Variants in HSPG2 observed in about 807,000 individuals in gnomAD.
The protein encoded by HSPG2 is basement membrane-specific heparan sulfate proteoglycan core protein.
Under a neutral mutation model 526.6 loss-of-function variants are expected in HSPG2, and 278 were observed. The ratio of observed to expected loss-of-function variants is 0.53; its 90% CI spans 0.48 to 0.58. The LOEUF is 0.58. Among genes scored for constraint, HSPG2 ranks in the 20% least tolerant of loss-of-function variants. The pLI, the probability that HSPG2 is intolerant of heterozygous loss-of-function variation, is 0.00. For missense variants in HSPG2, 5,354 were observed against 6,099.5 expected, an observed-to-expected ratio of 0.88 and a Z score of 4.07; for synonymous variants, 2,465 against 2,555.4, an observed-to-expected ratio of 0.96 and a Z score of 1.07.
In HSPG2 at chr1:21,855,919, A is replaced by G. The variant is rs1408571960; in HGVS notation, c.5576-7T>C. 2 of 1,606,976 alleles carry G rather than the reference A, an allele frequency of 1.2e-6. No individual in the cohort carries two copies. The highest frequency in any genetic ancestry group is 1.7e-6 in the Non-Finnish European group (2 of 1,179,908). On this transcript the variant is annotated splice_polypyrimidine_tract_variant and splice_region_variant and intron_variant, in intron 44 of 96. Transcript: ENST00000374695. ...GCGGACAAGGTGCCCGAGGCTGACA[A>G]GGGAGGAAAAGGAACATGCACTCAG...
In HSPG2 at chr1:21,857,298, G is replaced by A. The variant is rs763773500; in HGVS notation, c.5381C>T (p.Thr1794Ile). 274 of 1,614,000 alleles carry A rather than the reference G, an allele frequency of 1.7e-4. No homozygotes were observed. Among genetic ancestry groups the A allele is most frequent in the Non-Finnish European group, 2.2e-4 (254 of 1,180,026 alleles). ...RPGADVTFIC[T>I]AKSKSPAYTL... ...TGACCTGCACACCTTGCTTTTGGCT[G>A]TGCAGATGAAGGTGACGTCAGCTCC... The change falls in exon 43 of 97, where the codon ACA becomes ATA. Residue 1794 changes from threonine to isoleucine, a missense_variant. Physicochemically the swap from Thr to Ile is moderately conservative, Grantham distance 89 (BLOSUM62 -1). Transcript: ENST00000374695.
In HSPG2 at chr1:21,911,166, T is replaced by C. The variant is rs375347470; in HGVS notation, c.64-14856A>G. On this transcript the variant is annotated intron_variant, in intron 1 of 96. Coordinates refer to ENST00000374695, the MANE Select transcript of HSPG2 (RefSeq NM_005529.7). ...CATGAATTCCTCTTCTTCAGGTCGT[T>C]GGTAGGATCAAAGGAACCAAAGATG... Among the ~76,000 whole-genome samples, 26 of 152,326 alleles carry C rather than the reference T, an allele frequency of 1.7e-4. No homozygotes were observed. The East Asian group carries it at 4.8e-3, about 28-fold the overall frequency.
At position 21,837,020 on chromosome 1, in the gene HSPG2, T is replaced by C. The variant is rs1438981460; in HGVS notation, c.10151-14A>G. The C allele has an allele frequency of 1.9e-6, 3 of 1,544,340 alleles. No homozygotes were observed. Among genetic ancestry groups the C allele is most frequent in the Non-Finnish European group, 2.6e-6 (3 of 1,146,658 alleles). ...AGCCGGGAGGGCCTGCGGGGACATG[T>C]ATGAGGTTCTGCAGGTATATGTGTG... On this transcript the variant is annotated splice_polypyrimidine_tract_variant and intron_variant, in intron 74 of 96. Transcript: ENST00000374695.
At chr1:21,905,406 T>A (rs1311802028) in intron 1 of HSPG2, among the ~76,000 whole-genome samples, 1 of 152,132 alleles carries the variant, frequency 6.6e-6, no homozygotes, top group Admixed American at 6.5e-5. Flanking sequence ...TCCCCACATA[T>A]TCCATCACTC....
At position 21,862,041 on chromosome 1, in the gene HSPG2, C is replaced by T; in HGVS notation, c.4815G>A (p.Gly1605=). 6.2e-7 allele frequency: 1 copy of T among 1,614,210 alleles called. No individual in the cohort carries two copies. The highest frequency in any genetic ancestry group is 8.5e-7 in the Non-Finnish European group (1 of 1,180,036). ...CACAGGGCTGGCAGTCCTCAGGCGTCCCGGCTGTGGCATCTCCGTAGTAGC... is the reference window on the plus strand; with the variant it reads ...CACAGGGCTGGCAGTCCTCAGGCGTTCCGGCTGTGGCATCTCCGTAGTAGC... ...APGYYGDATA[G]TPEDCQPCAC... The change falls in exon 38 of 97, where the codon GGG becomes GGA. Residue 1605 remains glycine, a synonymous_variant. Coordinates refer to ENST00000374695, the MANE Select transcript of HSPG2 (RefSeq NM_005529.7).
chr1:21,843,477 G>C, intron 65 of HSPG2, 39 bp from the exon 66 acceptor site: 1 of 1,589,380 alleles, frequency 6.3e-7, no homozygotes, highest in Non-Finnish European at 8.6e-7. Context: ...GGTGAGCTGG[G>C]AGCCTTCAGA....
In HSPG2 at chr1:21,871,258, G is replaced by GTTT. The variant is rs5772965; in HGVS notation, c.4221+925_4221+927dup. Among the ~76,000 whole-genome samples, 345 of 114,650 alleles carry GTTT rather than the reference G, an allele frequency of 3.0e-3. 7 individuals carry two copies. Among genetic ancestry groups the GTTT allele is most frequent in the African/African-American group, 8.5e-3 (248 of 29,028 alleles). The allele number at this position is 114,650 out of a possible 152,430, so 75.2% of individuals were successfully genotyped here. A position where few individuals can be genotyped will look rare whatever the true frequency, so the allele number is the denominator to read the frequency against. On this transcript the variant is annotated intron_variant, in intron 33 of 96. Coordinates refer to ENST00000374695, the MANE Select transcript of HSPG2 (RefSeq NM_005529.7). ...TTCACCTCTGACTGGCAGAGTATTT[G>GTTT]TTTTTTTTTTTTTTTTTTTGAGACA...
At chr1:21,825,098 C>G (rs2097966511) in intron 91 of HSPG2, 1 of 410,252 alleles carries the variant, frequency 2.4e-6, no homozygotes, top group African/African-American at 2.0e-5. Flanking sequence ...ACAGTAGCTG[C>G]AAATATTTCA....
chr1:21,829,371 C>T lies in HSPG2; in HGVS notation c.11992+12G>A. ...GGTGTGCAGAGCCCCGCATTTGGTG[C>T]TGGGTGCTTACCTGACCCCAACTCA... On this transcript the variant is annotated intron_variant, in intron 87 of 96. Coordinates refer to ENST00000374695, the MANE Select transcript of HSPG2 (RefSeq NM_005529.7). The T allele has an allele frequency of 6.2e-7, 1 of 1,612,152 alleles. No individual in the cohort carries two copies. Among genetic ancestry groups the T allele is most frequent in the Non-Finnish European group, 8.5e-7 (1 of 1,178,924 alleles).
Position 21,828,730 on chromosome 1 carries a change from T to C in HSPG2, c.12237+105A>G. On this transcript the variant is annotated intron_variant, in intron 88 of 96. Coordinates refer to ENST00000374695, the MANE Select transcript of HSPG2 (RefSeq NM_005529.7). The surrounding 1 kb of genome is among the most constrained non-coding windows in gnomAD (Gnocchi z 6.0). ...AGTGTCCTGGCCCAGGGCCCGTGGGTGGCTGCAGGTGGAGGGGCCCAATGC... is the reference window on the plus strand; with the variant it reads ...AGTGTCCTGGCCCAGGGCCCGTGGGCGGCTGCAGGTGGAGGGGCCCAATGC... The C allele has an allele frequency of 2.0e-6, 3 of 1,490,016 alleles. No homozygotes were observed. Among genetic ancestry groups the C allele is most frequent in the Non-Finnish European group, 1.8e-6 (2 of 1,098,950 alleles). The allele number at this position is 1,490,016 out of a possible 1,614,324, so 92.3% of individuals were successfully genotyped here.
In HSPG2 at chr1:21,883,198, GGTTTTTGGCA is replaced by G. The variant is rs1641637875; in HGVS notation, c.1654+1320_1654+1329del. ...GTGAAATCAGCCCTGACCTTGCAAG[GGTTTTTGGCA>G]GTTCGTTGACTGTCACGTCAAGCCA... On this transcript the variant is annotated intron_variant, in intron 13 of 96. Transcript: ENST00000374695. Among the ~76,000 whole-genome samples the G allele has an allele frequency of 2.6e-5, 4 of 152,330 alleles. No individual in the cohort carries two copies. In the South Asian group the frequency reaches 8.3e-4, roughly 32 times the overall value.
chr1:21,937,291 G>T lies in HSPG2; in HGVS notation c.-74C>A. The T allele has an allele frequency of 4.3e-6, 2 of 468,260 alleles. No individual in the cohort carries two copies. Among genetic ancestry groups the T allele is most frequent in the Non-Finnish European group, 5.4e-6 (2 of 373,050 alleles). The allele number at this position is 468,260 out of a possible 1,614,324, so 29.0% of individuals were successfully genotyped here. On this transcript the variant is annotated 5_prime_UTR_variant, in exon 1 of 97. Coordinates refer to ENST00000374695, the MANE Select transcript of HSPG2 (RefSeq NM_005529.7). ...CCGCGCCGCCCGCAGCCGCCCGCTC[G>T]CCGGCCAGCTCGGGACAGCGCGGCC...
rs1557742783 is a variant in HSPG2, at chr1:21,864,255, CCCA to C, written c.4627-45_4627-43del. The C allele has an allele frequency of 6.7e-7, 1 of 1,490,190 alleles. No homozygotes were observed. Among genetic ancestry groups the C allele is most frequent in the East Asian group, 2.5e-5 (1 of 40,620 alleles). The allele number at this position is 1,490,190 out of a possible 1,614,324, so 92.3% of individuals were successfully genotyped here. ...AGGTTGGCCTCTGTTCCCAACGTGCCCCACCCACAGCCAGCAGACCCAGAACCC... is the reference window on the plus strand; with the variant it reads ...AGGTTGGCCTCTGTTCCCAACGTGCCCCCACAGCCAGCAGACCCAGAACCC... On this transcript the variant is annotated intron_variant, in intron 36 of 96. Coordinates refer to ENST00000374695, the MANE Select transcript of HSPG2 (RefSeq NM_005529.7). This position sits in a 1 kb window ranked among gnomAD's most constrained non-coding sequence, Gnocchi z 4.8.
At chr1:21,917,115 G>A (rs1322214810) in intron 1 of HSPG2, among the ~76,000 whole-genome samples, 1 of 152,152 alleles carries the variant, frequency 6.6e-6, no homozygotes, top group Non-Finnish European at 1.5e-5. Flanking sequence ...GTTTACAAAG[G>A]TCTTTGATTT....
At chr1:21,926,314 G>T (rs1644190031) in intron 1 of HSPG2, among the ~76,000 whole-genome samples, 1 of 152,178 alleles carries the variant, frequency 6.6e-6, no homozygotes, top group African/African-American at 2.4e-5. Context: ...GGTGACCTAT[G>T]TGACTGAGGC....
Position 21,890,786 on chromosome 1 carries a change from G to A in HSPG2, c.245-92C>T. 1 of 880,678 alleles carries A rather than the reference G, an allele frequency of 1.1e-6. No individual in the cohort carries two copies. The highest frequency in any genetic ancestry group is 1.9e-6 in the Non-Finnish European group (1 of 536,416). The allele number at this position is 880,678 out of a possible 1,614,324, so 54.6% of individuals were successfully genotyped here. Reference sequence around the variant, plus strand: ...ACCATTCAGGCAGAGTTGGGGGGATGGCCCCCAGAGGCCTCCCTCGAGGCT... The same window carrying A: ...ACCATTCAGGCAGAGTTGGGGGGATAGCCCCCAGAGGCCTCCCTCGAGGCT... On this transcript the variant is annotated intron_variant, in intron 3 of 96. Coordinates refer to ENST00000374695, the MANE Select transcript of HSPG2 (RefSeq NM_005529.7). This position sits in a 1 kb window ranked among gnomAD's most constrained non-coding sequence, Gnocchi z 4.1.
At position 21,839,320 on chromosome 1, in the gene HSPG2, G is replaced by T. The variant is rs780718818; in HGVS notation, c.9889+51C>A. On this transcript the variant is annotated intron_variant, in intron 73 of 96. Transcript: ENST00000374695. This position sits in a 1 kb window ranked among gnomAD's most constrained non-coding sequence, Gnocchi z 4.5. ...GTTCTGTGTGGGGTGGAGCCTAGTCGGGGGGCTCAGATCTCCATTTGGTGC... is the reference window on the plus strand; with the variant it reads ...GTTCTGTGTGGGGTGGAGCCTAGTCTGGGGGCTCAGATCTCCATTTGGTGC... 6.3e-7 allele frequency: 1 copy of T among 1,585,038 alleles called. No individual in the cohort carries two copies. Among genetic ancestry groups the T allele is most frequent in the South Asian group, 1.1e-5 (1 of 90,436 alleles).
At chr1:21,826,113 A>G (rs148251391) in intron 91 of HSPG2, among the ~76,000 whole-genome samples, 270 of 151,078 alleles carry the variant, frequency 1.8e-3, no homozygotes, top group African/African-American at 6.4e-3. Context: ...ACAGGGTCTC[A>G]GTCTGTTGCC....
At chr1:21,843,014 C>A (rs2098055918) in intron 66 of HSPG2, 93 bp from the exon 67 acceptor site, 1 of 1,450,562 alleles carries the variant, frequency 6.9e-7, no homozygotes, top group Non-Finnish European at 9.6e-7. Flanking sequence ...TCCAGTTGAT[C>A]CTGGGGGCGC....
Sources: allele counts gnomAD v4.1 joint callset (sites outside exome capture counted in the v4.1 genomes callset), GRCh38; gene constraint gnomAD v4.1.1; non-coding constraint Gnocchi (gnomAD v3.1); transcripts MANE v1.5; gene names NCBI Gene and HGNC (gene_info 2026-07-23, HGNC 2026-07-21).